The following SCAPER variants were observed in gnomAD, a reference collection of about 807,000 sequenced individuals.
The protein encoded by SCAPER is S-phase cyclin A associated protein in the ER.
Under a neutral mutation model 182.2 loss-of-function variants are expected in SCAPER, and 98 were observed. The ratio of observed to expected loss-of-function variants is 0.54; its 90% CI spans 0.46 to 0.64. SCAPER has a LOEUF of 0.64. SCAPER is among the 30% of genes least tolerant of loss of function. The probability of loss-of-function intolerance (pLI) is 0.00; values close to 1 mark genes in which losing one functional copy is unlikely to be tolerated. For synonymous variants in SCAPER, 605 were observed against 564.6 expected, an observed-to-expected ratio of 1.07 and a Z score of -1.01; for missense variants, 1,432 against 1,690.0, an observed-to-expected ratio of 0.85 and a Z score of 2.68.
At chr15:76,615,369 C>G (rs1216402976) in intron 22 of SCAPER, among the ~76,000 whole-genome samples, 2 of 151,720 alleles carry the variant, frequency 1.3e-5, no homozygotes, top group African/African-American at 2.4e-5. Flanking sequence ...TCCTTTGAAC[C>G]CGGGAGGCAG....
At position 76,609,016 on chromosome 15, in the gene SCAPER, G is replaced by A. The variant is rs1018146454; in HGVS notation, c.2711+12748C>T. ...CCCTGCTTCGGCTCGCGCACAGTGCGCTGTGCCTACCGTCCTGCCCCTACT... is the reference window on the plus strand; with the variant it reads ...CCCTGCTTCGGCTCGCGCACAGTGCACTGTGCCTACCGTCCTGCCCCTACT... On this transcript the variant is annotated intron_variant, in intron 22 of 31. Transcript: ENST00000563290. 3.3e-5 allele frequency among the ~76,000 whole-genome samples: 5 copies of A among 152,150 alleles called. 1 individual carries two copies. Among genetic ancestry groups the A allele is most frequent in the Admixed American group, 2.0e-4 (3 of 15,280 alleles).
At chr15:76,531,839 T>C (rs2043697404) in intron 23 of SCAPER, among the ~76,000 whole-genome samples, 1 of 152,160 alleles carries the variant, frequency 6.6e-6, no homozygotes. Context: ...ATGAGTTGTA[T>C]GACTGGGTTG....
intron 29 of SCAPER, among the ~76,000 whole-genome samples, chr15:76,373,231 A>G (rs1020277950): frequency 2.0e-5 from 3 of 151,966 alleles, no homozygotes; most frequent in African/African-American, 7.3e-5. Flanking sequence ...TATTTTTAGT[A>G]GAGACAGGGT....
At chr15:76,471,922 G>T (rs11857327) in intron 24 of SCAPER, among the ~76,000 whole-genome samples, 1 of 151,932 alleles carries the variant, frequency 6.6e-6, no homozygotes, top group Non-Finnish European at 1.5e-5. Context: ...GACAGTTTAA[G>T]GTCAAACTGA....
intron 23 of SCAPER, among the ~76,000 whole-genome samples, chr15:76,520,646 T>C (rs1308216093): frequency 6.6e-6 from 1 of 151,514 alleles, no homozygotes; most frequent in Non-Finnish European, 1.5e-5. Context: ...CTAAGTACTC[T>C]CCTAAGTGCT....
chr15:76,722,112 A>G (rs1001263127), intron 17 of SCAPER, among the ~76,000 whole-genome samples: 1 of 152,146 alleles, frequency 6.6e-6, no homozygotes, highest in Non-Finnish European at 1.5e-5. Flanking sequence ...TCAATACCTA[A>G]TTTATTGAGA....
intron 22 of SCAPER, among the ~76,000 whole-genome samples, chr15:76,603,640 C>T (rs2145819319): frequency 1.6e-5 from 2 of 121,312 alleles, no homozygotes; most frequent in South Asian, 5.1e-4. Context: ...AGTTTGCAGT[C>T]CCACTCACAG....
intron 20 of SCAPER, among the ~76,000 whole-genome samples, chr15:76,693,690 A>G (rs1838051): frequency 0.089 from 13,521 of 152,170 alleles, 729 homozygotes; most frequent in African/African-American, 0.14. Context: ...AAATTCTGAT[A>G]TATACAACAC....
At chr15:76,876,033 G>A (rs116423176) in intron 2 of SCAPER, among the ~76,000 whole-genome samples, 4,408 of 152,304 alleles carry the variant, frequency 0.029, 194 homozygotes, top group African/African-American at 0.1. Flanking sequence ...GGCCGGCACT[G>A]CTGGGGGACC....
At chr15:76,710,793 A>G (rs967671314) in intron 17 of SCAPER, among the ~76,000 whole-genome samples, 1 of 152,150 alleles carries the variant, frequency 6.6e-6, no homozygotes, top group African/African-American at 2.4e-5. Flanking sequence ...CAACTTTGAA[A>G]AAGAACAAAG....
At chr15:76,904,089 T>C (rs1444725291) in intron 1 of SCAPER, among the ~76,000 whole-genome samples, 1 of 152,098 alleles carries the variant, frequency 6.6e-6, no homozygotes, top group African/African-American at 2.4e-5. Flanking sequence ...CCAACAAACT[T>C]TGAGGAAAAG....
In SCAPER at chr15:76,626,086, G is replaced by A. The variant is rs1051983023; in HGVS notation, c.2646-4257C>T. ...TTCAAAGCCATCCTGGGCCACATGC[G>A]GCCTGCAGGATGTGCACTAGACAAG... On this transcript the variant is annotated intron_variant, in intron 21 of 31. Transcript: ENST00000563290. 3.9e-5 allele frequency among the ~76,000 whole-genome samples: 6 copies of A among 151,924 alleles called. No homozygotes were observed. The South Asian group carries it at 6.2e-4, about 16-fold the overall frequency.
intron 4 of SCAPER, chr15:76,855,703 T>C (rs2071294208): frequency 5.1e-6 from 1 of 194,344 alleles, no homozygotes; most frequent in Non-Finnish European, 1.1e-5. Context: ...GAAACGCAAG[T>C]CAAAATCACA....
At chr15:76,411,173 A>G (rs2957558) in intron 26 of SCAPER, among the ~76,000 whole-genome samples, 147,931 of 152,264 alleles carry the variant, frequency 0.97, 71,998 homozygotes, top group East Asian at 1. Context: ...CCCTGGCTAA[A>G]CATGATGTTT....
In SCAPER at chr15:76,423,215, T is replaced by G. The variant is rs1447518729; in HGVS notation, c.3311+10863A>C. Among the ~76,000 whole-genome samples, 6 of 152,372 alleles carry G rather than the reference T, an allele frequency of 3.9e-5. 1 individual carries two copies. The highest frequency in any genetic ancestry group is 1.4e-4 in the African/African-American group (6 of 41,584). On this transcript the variant is annotated intron_variant, in intron 26 of 31. Coordinates refer to ENST00000563290, the MANE Select transcript of SCAPER (RefSeq NM_020843.4). Reference sequence around the variant, plus strand: ...GAATGGTACCTGCTCTCCTTGTACCTCTGGTAGAATTCGGCTGTGAATCCA... The same window carrying G: ...GAATGGTACCTGCTCTCCTTGTACCGCTGGTAGAATTCGGCTGTGAATCCA...
In SCAPER at chr15:76,622,013, T is replaced by C. The variant is rs115114894; in HGVS notation, c.2646-184A>G. 9.9e-3 allele frequency among the ~76,000 whole-genome samples: 1,511 copies of C among 152,158 alleles called. 17 individuals carry two copies. Among genetic ancestry groups the C allele is most frequent in the African/African-American group, 0.035 (1,435 of 41,526 alleles). On this transcript the variant is annotated intron_variant, in intron 21 of 31. Transcript: ENST00000563290. ...TGAAAAGATAAATACAGGTAAATAA[T>C]AATACAAAAAAAGTCATTTAATTTT...
chr15:76,891,268 G>A (rs2074147801), intron 1 of SCAPER, among the ~76,000 whole-genome samples: 1 of 152,178 alleles, frequency 6.6e-6, no homozygotes, highest in Non-Finnish European at 1.5e-5. Context: ...ACAAGACAAG[G>A]ATGCCCTCTC....
intron 5 of SCAPER, among the ~76,000 whole-genome samples, chr15:76,833,869 C>CA (rs2068717125): frequency 6.6e-6 from 1 of 152,176 alleles, no homozygotes; most frequent in African/African-American, 2.4e-5. Flanking sequence ...CATAAGTTCT[C>CA]AGAGACCTAT....
At chr15:76,723,785 T>C (rs2060411292) in intron 17 of SCAPER, among the ~76,000 whole-genome samples, 1 of 152,224 alleles carries the variant, frequency 6.6e-6, no homozygotes, top group Admixed American at 6.5e-5. Context: ...TGGTAGATCT[T>C]CCTTCATCCC....
Sources: allele counts gnomAD v4.1 joint callset (sites outside exome capture counted in the v4.1 genomes callset), GRCh38; gene constraint gnomAD v4.1.1; transcripts MANE v1.5; gene names NCBI Gene and HGNC (gene_info 2026-07-23, HGNC 2026-07-21).